The following ZNG1A variants were observed in gnomAD, a reference collection of about 807,000 sequenced individuals.
ZNG1A encodes Zn regulated GTPase metalloprotein activator 1A, also known as zinc-regulated GTPase metalloprotein activator 1A.
chr9:163,743 C>A, the ZNG1A span, among the ~76,000 whole-genome samples: 4 of 151,456 alleles, frequency 2.6e-5, no homozygotes, highest in African/African-American at 9.7e-5. Context: ...ATGGCGAAAC[C>A]CCGTCTCTAC....
the ZNG1A span, among the ~76,000 whole-genome samples, chr9:131,938 G>A: frequency 2.9e-5 from 4 of 136,818 alleles, no homozygotes; most frequent in Non-Finnish European, 6.1e-5. Context: ...TTCTGTACCA[G>A]ACACCTACTC....
At chr9:141,892 C>T in the ZNG1A span, among the ~76,000 whole-genome samples, 1 of 152,068 alleles carries the variant, frequency 6.6e-6, no homozygotes, top group South Asian at 2.1e-4. Flanking sequence ...GGTTGCAATC[C>T]TAGTCTCTGA....
chr9:174,840 A>G, the ZNG1A span, among the ~76,000 whole-genome samples: 2 of 150,924 alleles, frequency 1.3e-5, no homozygotes, highest in Non-Finnish European at 2.9e-5. Context: ...TATTGTGTCT[A>G]GAGCTATTTT....
chr9:157,405 C>T, the ZNG1A span, among the ~76,000 whole-genome samples: 2 of 131,202 alleles, frequency 1.5e-5, no homozygotes, highest in Non-Finnish European at 3.2e-5. Context: ...ATAGAGGTTC[C>T]CTGTCACAAT....
chr9:169,737 T>A, the ZNG1A span, among the ~76,000 whole-genome samples: 1 of 150,630 alleles, frequency 6.6e-6, no homozygotes, highest in Admixed American at 6.6e-5. Context: ...TATGACTTGC[T>A]GAAAGCTGAG....
At chr9:140,443 G>C in the ZNG1A span, among the ~76,000 whole-genome samples, 1 of 151,048 alleles carries the variant, frequency 6.6e-6, no homozygotes, top group East Asian at 1.9e-4. Flanking sequence ...CAGACCTGCA[G>C]CTGAAGGTCG....
the ZNG1A span, among the ~76,000 whole-genome samples, chr9:155,243 T>C: frequency 6.6e-6 from 1 of 150,884 alleles, no homozygotes; most frequent in Admixed American, 6.6e-5. Context: ...TTCAAAGAAA[T>C]AGAATAACTT....
the ZNG1A span, among the ~76,000 whole-genome samples, chr9:169,052 G>A: frequency 6.6e-6 from 1 of 151,980 alleles, no homozygotes; most frequent in African/African-American, 2.4e-5. Context: ...TATTTCATAA[G>A]GCTATAGCTA....
chr9:129,682 G>GA, the ZNG1A span, among the ~76,000 whole-genome samples: 2 of 150,022 alleles, frequency 1.3e-5, 1 homozygote, highest in East Asian at 3.9e-4. Flanking sequence ...AATTGGGGGG[G>GA]GCTGTTCAAT....
At chr9:172,397 A>G in the ZNG1A span, 124 of 448,140 alleles carry the variant, frequency 2.8e-4, 1 homozygote, top group African/African-American at 2.4e-3. Flanking sequence ...TATACATAAT[A>G]CTTTATCAAA....
chr9:166,741 T>C, the ZNG1A span: 5 of 152,162 alleles, frequency 3.3e-5, no homozygotes, highest in Non-Finnish European at 7.4e-5. Flanking sequence ...ACTTAACCAA[T>C]TAATTCATTT....
chr9:139,668 C>T, the ZNG1A span, among the ~76,000 whole-genome samples: 2 of 152,036 alleles, frequency 1.3e-5, no homozygotes, highest in South Asian at 4.2e-4. Context: ...GCCAAGATGG[C>T]CAAATAGGAA....
chr9:130,353 G>T, the ZNG1A span, among the ~76,000 whole-genome samples: 2 of 135,070 alleles, frequency 1.5e-5, no homozygotes, highest in East Asian at 2.1e-4. Flanking sequence ...TGTTTAAAAT[G>T]TATTTTAATG....
chr9:177,286 G>A, the ZNG1A span, among the ~76,000 whole-genome samples: 3,985 of 152,026 alleles, frequency 0.026, 154 homozygotes, highest in African/African-American at 0.093. Context: ...TGACGCAGTC[G>A]GATTGACATT....
the ZNG1A span, among the ~76,000 whole-genome samples, chr9:140,957 T>C: frequency 7.2e-5 from 10 of 137,958 alleles, no homozygotes; most frequent in African/African-American, 2.5e-4. Context: ...GAAGATGAAA[T>C]GAATGAAATG....
chr9:145,583 G>T, the ZNG1A span, among the ~76,000 whole-genome samples: 1 of 149,700 alleles, frequency 6.7e-6, no homozygotes, highest in African/African-American at 2.5e-5. Context: ...AGCATTGGGA[G>T]ATATAACTAA....
chr9:121,656 T>C, the ZNG1A span: 1 of 1,404,998 alleles, frequency 7.1e-7, no homozygotes, highest in Non-Finnish European at 9.9e-7. Flanking sequence ...GTTCATTAAA[T>C]GCTTTATGGT....
chr9:159,505 T>C, the ZNG1A span, among the ~76,000 whole-genome samples: 1 of 152,240 alleles, frequency 6.6e-6, no homozygotes, highest in Non-Finnish European at 1.5e-5. Flanking sequence ...TTTTATAATG[T>C]AATTCACACA....
At chr9:161,313 A>G in the ZNG1A span, among the ~76,000 whole-genome samples, 3 of 151,752 alleles carry the variant, frequency 2.0e-5, no homozygotes, top group African/African-American at 7.3e-5. Flanking sequence ...TACTAAAAAT[A>G]CAAAATTAGC....
Sources: allele counts gnomAD v4.1 joint callset (sites outside exome capture counted in the v4.1 genomes callset), GRCh38; gene constraint gnomAD v4.1.1; transcripts MANE v1.5; gene names NCBI Gene and HGNC (gene_info 2026-07-23, HGNC 2026-07-21).